Variants in MID1 observed in about 807,000 individuals in gnomAD.
MID1 encodes midline 1.
In MID1, 7 loss-of-function variants were observed where a neutral mutation model predicts 40.4. The observed-to-expected ratio is 0.17, with a 90% CI of 0.10 to 0.33. The LOEUF (loss-of-function observed/expected upper bound fraction) is 0.33, where lower values mean the gene tolerates loss of function less well. MID1 is among the 10% of genes least tolerant of loss of function. The pLI is 1.00. For missense variants in MID1, 367 were observed against 558.5 expected (o/e 0.66, Z 3.46); for synonymous variants, 229 against 221.2 (o/e 1.04, Z -0.31).
At chrX:10,623,783 C>T (rs1197061678), upstream of MID1, among the ~76,000 whole-genome samples, 1 of 111,606 alleles carries the variant, frequency 9.0e-6, no homozygotes, top group Non-Finnish European at 1.9e-5. Context: ...CAATGAAAAT[C>T]AAGCTGAAGT....
intron 7 of MID1, 133 bp from the exon 8 acceptor site, chrX:10,459,940 C>A: frequency 1.4e-6 from 1 of 708,050 alleles, no homozygotes; most frequent in African/African-American, 2.1e-5. Flanking sequence ...TAGTCATGTA[C>A]GAAAAACTGA....
intron 1 of MID1, among the ~76,000 whole-genome samples, chrX:10,820,253 C>A (rs1158548271): frequency 8.9e-6 from 1 of 112,084 alleles, no homozygotes; most frequent in African/African-American, 3.2e-5. Flanking sequence ...AAAGAGCAGA[C>A]CCTGGCAGGG....
At chrX:10,538,264 T>C (rs187970279) in intron 2 of MID1, among the ~76,000 whole-genome samples, 192 of 111,858 alleles carry the variant, frequency 1.7e-3, no homozygotes, top group African/African-American at 6.0e-3. Context: ...TGAGCCACCA[T>C]GCCCGGCCTC....
At chrX:10,748,186 C>G (rs765335481) in intron 1 of MID1, among the ~76,000 whole-genome samples, 1 of 111,001 alleles carries the variant, frequency 9.0e-6, no homozygotes, top group South Asian at 3.9e-4. Flanking sequence ...GGGCCTCCCT[C>G]GAAGCAACCC....
intron 1 of MID1, among the ~76,000 whole-genome samples, chrX:10,807,318 CACAACAAATT>C (rs748317341): frequency 8.0e-5 from 9 of 111,999 alleles, no homozygotes; most frequent in Admixed American, 2.8e-4. Context: ...TCTGTTGCTG[CACAACAAATT>C]ACAACAAATT....
chrX:10,584,160 G>A (rs1205229257), intron 1 of MID1, among the ~76,000 whole-genome samples: 2 of 111,629 alleles, frequency 1.8e-5, no homozygotes, highest in African/African-American at 6.5e-5. Context: ...GAGCAGGAGA[G>A]GAAGAACCCA....
intron 3 of MID1, among the ~76,000 whole-genome samples, chrX:10,516,609 TGCGC>T (rs367713528): frequency 0.05 from 2,507 of 50,250 alleles, 112 homozygotes; most frequent in African/African-American, 0.23. Context: ...TGTGTGTGTG[TGCGC>T]GCGCGCACGC....
chrX:10,743,492 T>C (rs1387792021), intron 1 of MID1, among the ~76,000 whole-genome samples: 1 of 112,083 alleles, frequency 8.9e-6, no homozygotes, highest in Non-Finnish European at 1.9e-5. Flanking sequence ...TCTTAACAAC[T>C]GTGTTTAGGG....
chrX:10,506,380 C>T (rs1197909654), intron 3 of MID1: 44 of 1,086,681 alleles, frequency 4.0e-5, no homozygotes, highest in Non-Finnish European at 5.4e-5. Flanking sequence ...GGAAGTGAAA[C>T]AGGGACAACT....
At chrX:10,506,739 C>T (rs1241331788) in intron 3 of MID1, among the ~76,000 whole-genome samples, 1 of 111,581 alleles carries the variant, frequency 9.0e-6, no homozygotes, top group Non-Finnish European at 1.9e-5. Flanking sequence ...ACAGAGAGAG[C>T]TGGCATCACA....
At position 10,490,270 on chromosome X, in the gene MID1, T is replaced by C. The variant is rs143921606; in HGVS notation, c.864+5314A>G. ...CAAGTCTCACCCATCTTTTGTTAGA[T>C]TTATCACTAAGTATTTCATATTTGT... On this transcript the variant is annotated intron_variant, in intron 4 of 9. Coordinates refer to ENST00000317552, the MANE Select transcript of MID1 (RefSeq NM_000381.4). Among the ~76,000 whole-genome samples the C allele has an allele frequency of 9.3e-4, 104 of 112,320 alleles. 1 individual carries two copies. Among genetic ancestry groups the C allele is most frequent in the African/African-American group, 3.3e-3 (102 of 30,958 alleles).
At chrX:10,695,991 A>G (rs2043161338) in intron 1 of MID1, among the ~76,000 whole-genome samples, 2 of 111,771 alleles carry the variant, frequency 1.8e-5, no homozygotes, top group African/African-American at 6.5e-5. Flanking sequence ...GAGGAATGTC[A>G]GGCAACCATC....
intron 1 of MID1, among the ~76,000 whole-genome samples, chrX:10,822,406 A>C (rs1162183362): frequency 8.9e-6 from 1 of 112,237 alleles, no homozygotes; most frequent in East Asian, 2.8e-4. Context: ...AAATCTAGGC[A>C]ATACCATTCA....
chrX:10,609,128 T>C (rs1454424292), intron 1 of MID1, among the ~76,000 whole-genome samples: 8 of 108,618 alleles, frequency 7.4e-5, no homozygotes, highest in Middle Eastern at 4.7e-3. Flanking sequence ...ATTACAGGGA[T>C]ATTTATACAT....
intron 1 of MID1, among the ~76,000 whole-genome samples, chrX:10,618,162 G>A (rs1276845953): frequency 8.9e-6 from 1 of 112,200 alleles, no homozygotes; most frequent in Non-Finnish European, 1.9e-5. Context: ...TGCAGCCCTA[G>A]GGACAGATCA....
chrX:10,636,795 T>TATATATATATATATAG (rs1936120924), intron 1 of MID1, among the ~76,000 whole-genome samples: 1 of 83,905 alleles, frequency 1.2e-5, no homozygotes, highest in East Asian at 3.4e-4. Context: ...GATATATATA[T>TATATATATATATATAG]ATATATATAT....
intron 1 of MID1, among the ~76,000 whole-genome samples, chrX:10,647,633 A>C (rs1425862525): frequency 1.8e-5 from 2 of 111,902 alleles, no homozygotes; most frequent in African/African-American, 3.2e-5. Context: ...TAAGTTATCT[A>C]TTTGGGGGTT....
intron 1 of MID1, among the ~76,000 whole-genome samples, chrX:10,750,271 G>A (rs1400511951): frequency 9.0e-6 from 1 of 111,363 alleles, no homozygotes; most frequent in Non-Finnish European, 1.9e-5. Context: ...AAAAGACCTT[G>A]ATATATAAAA....
chrX:10,692,392 G>A (rs1456200836), intron 1 of MID1, among the ~76,000 whole-genome samples: 1 of 111,175 alleles, frequency 9.0e-6, no homozygotes, highest in Non-Finnish European at 1.9e-5. Context: ...TTGAAATACT[G>A]GGGGCTGGTT....
Sources: allele counts gnomAD v4.1 joint callset (sites outside exome capture counted in the v4.1 genomes callset), GRCh38; gene constraint gnomAD v4.1.1; transcripts MANE v1.5; gene names NCBI Gene and HGNC (gene_info 2026-07-23, HGNC 2026-07-21).